Variants in OTUD7B observed in about 807,000 individuals in gnomAD.
The protein encoded by OTUD7B is OTU domain-containing protein 7B.
Under a neutral mutation model 82.2 loss-of-function variants are expected in OTUD7B, and 34 were observed. The observed-to-expected ratio is 0.41, with a 90% CI of 0.31 to 0.55. The LOEUF (loss-of-function observed/expected upper bound fraction) is 0.55. Ranked by LOEUF, OTUD7B falls within the 20% of genes least tolerant of loss-of-function variation. OTUD7B has a pLI of 0.20. For missense variants in OTUD7B, 944 were observed against 1,062.1 expected (o/e 0.89, Z 1.55); for synonymous variants, 398 against 402.7 (o/e 0.99, Z 0.14).
At chr1:150,010,024 GGAA>G (rs1159721408) in intron 1 of OTUD7B, among the ~76,000 whole-genome samples, 2 of 151,950 alleles carry the variant, frequency 1.3e-5, no homozygotes, top group East Asian at 3.8e-4. Flanking sequence ...GCTATCAATA[GGAA>G]GAATAAGCTT....
intron 1 of OTUD7B, among the ~76,000 whole-genome samples, chr1:149,998,484 C>CA (rs1652060433): frequency 6.6e-6 from 1 of 152,174 alleles, no homozygotes; most frequent in Non-Finnish European, 1.5e-5. Flanking sequence ...TTCCTGCCCC[C>CA]AAAACAAGGT....
chr1:150,026,947 G>A, the OTUD7B span, among the ~76,000 whole-genome samples: 2 of 152,148 alleles, frequency 1.3e-5, no homozygotes, highest in African/African-American at 4.8e-5. Context: ...TATATAAATT[G>A]TAGAAATACT....
the OTUD7B span, among the ~76,000 whole-genome samples, chr1:150,065,061 C>G: frequency 6.8e-6 from 1 of 146,796 alleles, no homozygotes; most frequent in Non-Finnish European, 1.5e-5. Context: ...ATTTACAAGC[C>G]TAAATAAAAT....
chr1:149,983,248 G>A (rs1650908682), intron 1 of OTUD7B, among the ~76,000 whole-genome samples: 2 of 152,030 alleles, frequency 1.3e-5, no homozygotes, highest in Admixed American at 6.6e-5. Flanking sequence ...GAGTGCCTTT[G>A]TGTGAGGCAC....
At chr1:150,060,036 A>T in the OTUD7B span, among the ~76,000 whole-genome samples, 3 of 152,306 alleles carry the variant, frequency 2.0e-5, no homozygotes, top group African/African-American at 7.2e-5. Flanking sequence ...AGAGAAAAAA[A>T]ATCCAGGATA....
Position 149,938,141 on chromosome 1 carries a change from A to G in OTUD7B, c.*5716T>C, listed in dbSNP as rs1490387976. 6.6e-6 allele frequency: 1 copy of G among 152,234 alleles called. No homozygotes were observed. Among genetic ancestry groups the G allele is most frequent in the African/African-American group, 2.4e-5 (1 of 41,422 alleles). 9.4% of individuals were successfully genotyped at this position (152,234 alleles called of 1,614,324 possible). ...ATGGGCCTCAACCTCTTGGGGGAAG[A>G]AAATATTTCCCAAGGTCTGTTGTAA... On this transcript the variant is annotated 3_prime_UTR_variant, in exon 12 of 12. Coordinates refer to ENST00000581312, the MANE Select transcript of OTUD7B (RefSeq NM_020205.4).
At chr1:150,049,769 A>G in the OTUD7B span, among the ~76,000 whole-genome samples, 1 of 150,794 alleles carries the variant, frequency 6.6e-6, no homozygotes, top group Non-Finnish European at 1.5e-5. Flanking sequence ...TGTATTTTTT[A>G]TAGAGATGGG....
chr1:150,038,408 G>T, the OTUD7B span, among the ~76,000 whole-genome samples: 2 of 148,100 alleles, frequency 1.4e-5, no homozygotes, highest in Admixed American at 6.7e-5. Context: ...CTTTTTTGAG[G>T]CAGGGTCTCA....
chr1:149,959,651 A>G, intron 7 of OTUD7B, 33 bp downstream of exon 7: 9 of 1,308,060 alleles, frequency 6.9e-6, no homozygotes, highest in Non-Finnish European at 1.0e-5. Flanking sequence ...GACTCTATGC[A>G]GGTTTCCTCC....
At chr1:150,046,525 G>A in the OTUD7B span, among the ~76,000 whole-genome samples, 1 of 141,940 alleles carries the variant, frequency 7.0e-6, no homozygotes, top group Non-Finnish European at 1.5e-5. Flanking sequence ...TCGGCTCACT[G>A]CAACCTCCAC....
chr1:150,014,535 A>T (rs1653215612), upstream of OTUD7B, among the ~76,000 whole-genome samples: 1 of 152,172 alleles, frequency 6.6e-6, no homozygotes, highest in Non-Finnish European at 1.5e-5. Flanking sequence ...CTTATACGTG[A>T]ATGTTCACTA....
intron 1 of OTUD7B, among the ~76,000 whole-genome samples, chr1:149,992,434 C>A (rs1651634481): frequency 6.8e-6 from 1 of 148,140 alleles, no homozygotes; most frequent in Non-Finnish European, 1.5e-5. Flanking sequence ...ATCCAGAAAT[C>A]ACAGCTATAT....
In OTUD7B at chr1:149,945,034, G is replaced by A. The variant is rs782533327; in HGVS notation, c.1355C>T (p.Ala452Val). The A allele has an allele frequency of 1.9e-6, 3 of 1,614,058 alleles. No homozygotes were observed. The highest frequency in any genetic ancestry group is 3.3e-4 in the Middle Eastern group (2 of 6,062). The stretch of plus-strand genomic sequence containing the variant: ...GGACCGGGGCTCATCTCCAGCTGAG[G>A]CGGTGGGGGACTCAGGCTGGGCCAG... ...APLAQPESPTASAGDEPRSTP... is the reference protein window; with the variant it reads ...APLAQPESPTVSAGDEPRSTP... The change falls in exon 12 of 12, where the codon GCC (alanine) becomes GTC (valine). Residue 452 changes from alanine (A) to valine (V), a missense_variant. Physicochemically the swap from Ala to Val is moderately conservative, Grantham distance 64. Around this residue, in one of 3 missense-constraint regions of OTUD7B, gnomAD observed 530 missense variants for 625.6 expected, o/e 0.85. Coordinates refer to ENST00000581312, the MANE Select transcript of OTUD7B (RefSeq NM_020205.4).
At chr1:149,976,073 A>G (rs1234096615) in intron 2 of OTUD7B, among the ~76,000 whole-genome samples, 1 of 152,046 alleles carries the variant, frequency 6.6e-6, no homozygotes, top group Non-Finnish European at 1.5e-5. Context: ...CTAAATTACT[A>G]AACTGGAATT....
the OTUD7B span, among the ~76,000 whole-genome samples, chr1:150,019,284 A>C: frequency 5.9e-5 from 9 of 151,508 alleles, no homozygotes; most frequent in East Asian, 1.7e-3. Flanking sequence ...TCTCCCATCT[A>C]CTCTTCACAC....
At chr1:149,975,877 C>T (rs966181674) in intron 2 of OTUD7B, among the ~76,000 whole-genome samples, 6 of 151,834 alleles carry the variant, frequency 4.0e-5, no homozygotes, top group Non-Finnish European at 2.9e-5. Flanking sequence ...ACAAATTAGC[C>T]GGGCATGGTG....
chr1:149,977,440 C>T lies in OTUD7B; in HGVS notation c.71G>A (p.Arg24Gln), dbSNP rs1302032570. 5.0e-6 allele frequency: 8 copies of T among 1,612,926 alleles called. No individual in the cohort carries two copies. Among genetic ancestry groups the T allele is most frequent in the East Asian group, 2.2e-5 (1 of 44,884 alleles). Residue 24 changes from arginine to glutamine, a missense_variant, in exon 2 of 12, where the codon CGA becomes CAA. Around this residue, in one of 3 missense-constraint regions of OTUD7B, gnomAD observed 530 missense variants for 625.6 expected, o/e 0.85. Transcript: ENST00000581312. The part of the protein sequence containing the change: ...RSTGAEPGLA[R>Q]DLLEGKNWDV... Reference sequence around the variant, plus strand: ...CAACTCCTCACCTTCTAGGAGATCTCGCGCTAGCCCTGGCTCTGCTCCTGT... The same window carrying T: ...CAACTCCTCACCTTCTAGGAGATCTTGCGCTAGCCCTGGCTCTGCTCCTGT...
chr1:150,006,135 A>C (rs1406605535), intron 1 of OTUD7B, among the ~76,000 whole-genome samples: 1 of 152,206 alleles, frequency 6.6e-6, no homozygotes, highest in Middle Eastern at 3.2e-3. Context: ...TATGATCCCC[A>C]AAAATGAAAA....
intron 1 of OTUD7B, among the ~76,000 whole-genome samples, chr1:149,984,231 C>A (rs1553780367): frequency 1.3e-5 from 1 of 77,962 alleles, no homozygotes. Context: ...GACCTTGCCT[C>A]CTACTTCACA....
Sources: gnomAD v4.1 joint callset for allele counts (sites outside exome capture counted in the v4.1 genomes callset) on GRCh38, gnomAD v4.1.1 for gene constraint, gnomAD v4.1.1 regional missense constraint, MANE v1.5 for transcripts, NCBI Gene and HGNC (gene_info 2026-07-23, HGNC 2026-07-21) for gene names.